PRDM5: variants seen among roughly 807,000 people sequenced by gnomAD.
PRDM5 encodes the protein PR domain zinc finger protein 5.
Under a neutral mutation model 81.2 loss-of-function variants are expected in PRDM5, and 56 were observed. That is an observed-to-expected ratio of 0.69 (90% CI 0.56 to 0.86). The LOEUF (loss-of-function observed/expected upper bound fraction) is 0.86, where lower values mean the gene tolerates loss of function less well. PRDM5 is among the 40% of genes least tolerant of loss of function. The pLI is 0.00. For synonymous variants in PRDM5, 267 were observed against 256.4 expected (o/e 1.04, Z -0.39); for missense variants, 697 against 770.1 (o/e 0.91, Z 1.12).
At chr4:120,845,204 A>G (rs1758521649) in intron 3 of PRDM5, among the ~76,000 whole-genome samples, 1 of 152,238 alleles carries the variant, frequency 6.6e-6, no homozygotes, top group South Asian at 2.1e-4. Context: ...TATCTAAGAT[A>G]TTAATAATTA....
intron 3 of PRDM5, among the ~76,000 whole-genome samples, chr4:120,842,951 T>C (rs1365463992): frequency 6.6e-6 from 1 of 152,198 alleles, no homozygotes; most frequent in Non-Finnish European, 1.5e-5. Flanking sequence ...AGGCTATAAT[T>C]TCTAGGGACA....
At chr4:120,905,629 G>A (rs1337980970) in intron 2 of PRDM5, among the ~76,000 whole-genome samples, 3 of 152,078 alleles carry the variant, frequency 2.0e-5, no homozygotes, top group East Asian at 1.9e-4. Flanking sequence ...TCCAGCCTGA[G>A]GACCTGCCCT....
chr4:120,859,623 A>G (rs996333440), intron 2 of PRDM5, among the ~76,000 whole-genome samples: 1 of 152,170 alleles, frequency 6.6e-6, no homozygotes, highest in African/African-American at 2.4e-5. Context: ...TACATATTCA[A>G]ATAGCCTCTA....
chr4:120,817,967 C>A (rs1754764144), intron 5 of PRDM5, among the ~76,000 whole-genome samples: 1 of 152,028 alleles, frequency 6.6e-6, no homozygotes, highest in Admixed American at 6.6e-5. Flanking sequence ...TTTTTTTAAA[C>A]AGATTCCAGA....
rs1741524583 is a variant in PRDM5, at chr4:120,739,097, T to C, written c.1623+15456A>G. On this transcript the variant is annotated intron_variant, in intron 14 of 15. Coordinates refer to ENST00000264808, the MANE Select transcript of PRDM5 (RefSeq NM_018699.4). ...GGCTGGCAGTACACGTTAGCTATTA[T>C]GTGGCATGCCTATCTGGCCTCTCCA... 2.6e-5 allele frequency among the ~76,000 whole-genome samples: 4 copies of C among 152,360 alleles called. No homozygotes were observed. The South Asian group carries it at 6.2e-4, about 24-fold the overall frequency.
At chr4:120,820,978 C>T (rs1030349579) in intron 4 of PRDM5, among the ~76,000 whole-genome samples, 193 bp downstream of exon 4, 2 of 152,228 alleles carry the variant, frequency 1.3e-5, no homozygotes, top group Non-Finnish European at 2.9e-5. Flanking sequence ...ACATCCATCA[C>T]CCACTCCCAA....
chr4:120,686,087 T>C (rs1233052505), intron 1 of PRDM5, among the ~76,000 whole-genome samples: 2 of 152,036 alleles, frequency 1.3e-5, no homozygotes, highest in Admixed American at 1.3e-4. Flanking sequence ...GGCCATGTGA[T>C]ATGCATTCTC....
At chr4:120,724,251 T>C (rs994422382) in intron 14 of PRDM5, among the ~76,000 whole-genome samples, 11 of 152,238 alleles carry the variant, frequency 7.2e-5, no homozygotes, top group African/African-American at 2.6e-4. Context: ...AGACACTGTG[T>C]TAGAAACCAA....
In PRDM5 at chr4:120,695,110, A is replaced by G; in HGVS notation, c.*1T>C. 1.2e-6 allele frequency: 2 copies of G among 1,612,080 alleles called. No individual in the cohort carries two copies. Among genetic ancestry groups the G allele is most frequent in the Non-Finnish European group, 1.7e-6 (2 of 1,178,328 alleles). ...ATAGTTTAATTCCTTTACAGCCCCT[A>G]TTAGCTGTCAGCTACACCATGGATA... On this transcript the variant is annotated 3_prime_UTR_variant, in exon 16 of 16. Transcript: ENST00000264808.
intron 14 of PRDM5, among the ~76,000 whole-genome samples, chr4:120,748,800 T>C (rs73845480): frequency 0.047 from 7,040 of 151,380 alleles, 288 homozygotes; most frequent in African/African-American, 0.12. Flanking sequence ...TGAGGGTGAG[T>C]TTGCTGAGGC....
chr4:120,865,725 T>C (rs1216909110), intron 2 of PRDM5, among the ~76,000 whole-genome samples: 3 of 152,182 alleles, frequency 2.0e-5, no homozygotes, highest in African/African-American at 7.2e-5. Flanking sequence ...TGGTGAATTA[T>C]AGTTCCTGGG....
chr4:120,845,695 C>G (rs1758574429), intron 3 of PRDM5, among the ~76,000 whole-genome samples: 2 of 152,154 alleles, frequency 1.3e-5, no homozygotes, highest in Non-Finnish European at 2.9e-5. Flanking sequence ...GCCCATGGAT[C>G]AAGGATAAAT....
intron 13 of PRDM5, among the ~76,000 whole-genome samples, chr4:120,772,306 T>A (rs1049678161): frequency 6.6e-6 from 1 of 152,242 alleles, no homozygotes. Context: ...TCTTTTGCTA[T>A]CTGCAGGCAA....
At chr4:120,778,132 A>C (rs1175523604) in intron 12 of PRDM5, among the ~76,000 whole-genome samples, 1 of 152,164 alleles carries the variant, frequency 6.6e-6, no homozygotes, top group African/African-American at 2.4e-5. Context: ...CAATTCCTTC[A>C]GGTATGTACA....
intron 3 of PRDM5, among the ~76,000 whole-genome samples, chr4:120,836,898 A>G (rs1717456600): frequency 6.6e-6 from 1 of 152,332 alleles, no homozygotes; most frequent in Admixed American, 6.5e-5. Context: ...GCCAATTACT[A>G]TTAGTCACAA....
chr4:120,900,531 GA>G (rs975343642), intron 2 of PRDM5, among the ~76,000 whole-genome samples: 38 of 152,040 alleles, frequency 2.5e-4, no homozygotes, highest in African/African-American at 8.7e-4. Context: ...AATAACCAAG[GA>G]CAAACAGAGG....
chr4:120,734,407 C>A (rs1195421316), intron 14 of PRDM5, among the ~76,000 whole-genome samples: 1 of 145,138 alleles, frequency 6.9e-6, no homozygotes, highest in Non-Finnish European at 1.5e-5. Context: ...CACACACACA[C>A]ACACACACAC....
intron 2 of PRDM5, among the ~76,000 whole-genome samples, chr4:120,867,191 C>T (rs1009173910): frequency 7.2e-5 from 11 of 152,132 alleles, no homozygotes; most frequent in African/African-American, 2.7e-4. Flanking sequence ...CTGCCACTAC[C>T]TTGATCTGGC....
intron 11 of PRDM5, among the ~76,000 whole-genome samples, chr4:120,783,273 C>T (rs931696773): frequency 6.6e-6 from 1 of 152,046 alleles, no homozygotes; most frequent in Admixed American, 6.6e-5. Flanking sequence ...TAAAATAACT[C>T]ATTTACTCAC....
Sources: gnomAD v4.1 joint callset for allele counts (sites outside exome capture counted in the v4.1 genomes callset) on GRCh38, gnomAD v4.1.1 for gene constraint, MANE v1.5 for transcripts, NCBI Gene and HGNC (gene_info 2026-07-23, HGNC 2026-07-21) for gene names.